MAP2K6: variants seen among roughly 807,000 people sequenced by gnomAD.
MAP2K6 encodes the protein mitogen-activated protein kinase kinase 6, also known as dual specificity mitogen-activated protein kinase kinase 6.
Under a neutral mutation model 53.7 loss-of-function variants are expected in MAP2K6, and 16 were observed. The observed-to-expected ratio is 0.30, with a 90% confidence interval of 0.20 to 0.45. MAP2K6 has a LOEUF of 0.45. Among genes scored for constraint, MAP2K6 ranks in the 20% least tolerant of loss-of-function variants. MAP2K6 has a pLI of 1.00. For synonymous variants in MAP2K6, 132 were observed against 143.1 expected, an observed-to-expected ratio of 0.92 and a Z score of 0.55; for missense variants, 204 against 411.9, an observed-to-expected ratio of 0.50 and a Z score of 4.37.
At chr17:69,538,496 T>G (rs953266070) in intron 11 of MAP2K6, among the ~76,000 whole-genome samples, 2 of 152,240 alleles carry the variant, frequency 1.3e-5, no homozygotes, top group African/African-American at 2.4e-5. Context: ...CCTGTGGAAC[T>G]GAGGTTTTCA....
At chr17:69,523,712 G>A in intron 8 of MAP2K6, 71 bp downstream of exon 8, 1 of 1,578,680 alleles carries the variant, frequency 6.3e-7, no homozygotes, top group Non-Finnish European at 8.7e-7. Flanking sequence ...ACAAGAAATG[G>A]ATGGCCACAG....
intron 1 of MAP2K6, among the ~76,000 whole-genome samples, chr17:69,459,172 T>A (rs942168359): frequency 1.1e-4 from 16 of 152,312 alleles, no homozygotes; most frequent in African/African-American, 3.1e-4. Flanking sequence ...TGATTTTTTT[T>A]AAACATTAAG....
At chr17:69,500,013 A>C (rs1909090569) in intron 1 of MAP2K6, among the ~76,000 whole-genome samples, 1 of 152,186 alleles carries the variant, frequency 6.6e-6, no homozygotes, top group Non-Finnish European at 1.5e-5. Flanking sequence ...GAGGTTTTGA[A>C]TTTGGAAGGT....
At position 69,543,511 on chromosome 17, in the gene MAP2K6, C is replaced by A. The variant is rs77052162; in HGVS notation, c.*1758C>A. On this transcript the variant is annotated 3_prime_UTR_variant, in exon 12 of 12. Transcript: ENST00000590474. ...CCTCTGCTCTGAAGCTACCTCTGTC[C>A]TCATTTTATTCTAGCCAGAAAAGGA... 1 of 152,252 alleles carries A rather than the reference C, an allele frequency of 6.6e-6. No individual in the cohort carries two copies. Among genetic ancestry groups the A allele is most frequent in the East Asian group, 1.9e-4 (1 of 5,160 alleles). The allele number at this position is 152,252 out of a possible 1,614,324, so 9.4% of individuals were successfully genotyped here. A position where few individuals can be genotyped will look rare whatever the true frequency, so the allele number is the denominator to read the frequency against.
At chr17:69,442,858 G>A (rs1194480157) in intron 1 of MAP2K6, among the ~76,000 whole-genome samples, 5 of 152,140 alleles carry the variant, frequency 3.3e-5, no homozygotes, top group Admixed American at 2.6e-4. Context: ...CAACTGCAGA[G>A]GTTTGATTCA....
intron 10 of MAP2K6, among the ~76,000 whole-genome samples, chr17:69,534,069 T>C (rs1247459044): frequency 6.6e-6 from 1 of 152,172 alleles, no homozygotes; most frequent in Admixed American, 6.5e-5. Context: ...CCCAGTGCAT[T>C]ACAGGATGCT....
intron 1 of MAP2K6, among the ~76,000 whole-genome samples, chr17:69,425,558 G>C (rs1307148326): frequency 6.6e-6 from 1 of 152,084 alleles, no homozygotes; most frequent in East Asian, 1.9e-4. Flanking sequence ...TGATTCGCCC[G>C]CCTCGGCCTC....
chr17:69,549,992 A>G lies in MAP2K6; in HGVS notation c.*8239A>G, dbSNP rs1450438291. 2 of 152,152 alleles carry G rather than the reference A, an allele frequency of 1.3e-5. No individual in the cohort carries two copies. The highest frequency in any genetic ancestry group is 1.5e-5 in the Non-Finnish European group (1 of 68,024). The allele number at this position is 152,152 out of a possible 1,614,324, so 9.4% of individuals were successfully genotyped here. ...TAAAAAAAAAAGCTGGCAGACAAGT[A>G]TATCTTTTAATTTATTTGCAGTGTT... On this transcript the variant is annotated 3_prime_UTR_variant, in exon 12 of 12. Transcript: ENST00000590474.
At chr17:69,482,836 T>G (rs1349048553) in intron 1 of MAP2K6, among the ~76,000 whole-genome samples, 2 of 152,104 alleles carry the variant, frequency 1.3e-5, no homozygotes, top group African/African-American at 2.4e-5. Context: ...GACTATGCAT[T>G]CATAAGACAG....
At chr17:69,475,359 G>A (rs1232454898) in intron 1 of MAP2K6, among the ~76,000 whole-genome samples, 1 of 151,848 alleles carries the variant, frequency 6.6e-6, no homozygotes, top group Non-Finnish European at 1.5e-5. Context: ...TAGTAGAAAC[G>A]GGGTTTCACC....
intron 4 of MAP2K6, among the ~76,000 whole-genome samples, chr17:69,518,466 G>C (rs979815917): frequency 6.6e-6 from 1 of 152,000 alleles, no homozygotes; most frequent in African/African-American, 2.4e-5. Flanking sequence ...GAAAAAGGAG[G>C]GTAAAATATA....
chr17:69,553,374 T>C lies in MAP2K6; in HGVS notation c.*11621T>C, dbSNP rs1912172969. On this transcript the variant is annotated 3_prime_UTR_variant, in exon 12 of 12. Transcript: ENST00000590474. ...TTTTTGACCAAGGAAACAGCTGAGA[T>C]ATTAAACCATGTGGTTGTTCCACGG... 6.6e-6 allele frequency: 1 copy of C among 152,226 alleles called. No individual in the cohort carries two copies. 9.4% of individuals were successfully genotyped at this position (152,226 alleles called of 1,614,324 possible).
chr17:69,448,776 G>A (rs1161669269), intron 1 of MAP2K6, among the ~76,000 whole-genome samples: 1 of 152,156 alleles, frequency 6.6e-6, no homozygotes, highest in Non-Finnish European at 1.5e-5. Context: ...TTGCTCAGAG[G>A]GATTTGTCTT....
At chr17:69,482,949 A>G (rs1375965576) in intron 1 of MAP2K6, among the ~76,000 whole-genome samples, 1 of 151,988 alleles carries the variant, frequency 6.6e-6, no homozygotes, top group Non-Finnish European at 1.5e-5. Flanking sequence ...TTCCAAATAT[A>G]TTAGACCAGG....
At chr17:69,458,460 T>G (rs1243467846) in intron 1 of MAP2K6, among the ~76,000 whole-genome samples, 3 of 152,230 alleles carry the variant, frequency 2.0e-5, no homozygotes, top group Admixed American at 6.5e-5. Flanking sequence ...CAGGAGATTC[T>G]TATCACCCTG....
chr17:69,467,035 A>G (rs1907837032), intron 1 of MAP2K6, among the ~76,000 whole-genome samples: 1 of 152,222 alleles, frequency 6.6e-6, no homozygotes, highest in Admixed American at 6.5e-5. Flanking sequence ...GCATCTTAAT[A>G]TTTACATGGA....
intron 1 of MAP2K6, among the ~76,000 whole-genome samples, chr17:69,425,732 T>A (rs1167638926): frequency 3.9e-5 from 6 of 152,212 alleles, no homozygotes; most frequent in Non-Finnish European, 5.9e-5. Flanking sequence ...GGTTGTTGAG[T>A]GACAAGTTAT....
At chr17:69,475,748 G>C (rs537046204) in intron 1 of MAP2K6, among the ~76,000 whole-genome samples, 1 of 152,268 alleles carries the variant, frequency 6.6e-6, no homozygotes, top group African/African-American at 2.4e-5. Context: ...CCATGGGATG[G>C]TGTGTTTGAG....
At chr17:69,422,464 G>C (rs1204015183) in intron 1 of MAP2K6, among the ~76,000 whole-genome samples, 2 of 152,152 alleles carry the variant, frequency 1.3e-5, no homozygotes, top group Non-Finnish European at 2.9e-5. Flanking sequence ...TCCAGTCTGA[G>C]TTGAAGCATT....
Sources: allele counts gnomAD v4.1 joint callset (sites outside exome capture counted in the v4.1 genomes callset), GRCh38; gene constraint gnomAD v4.1.1; transcripts MANE v1.5; gene names NCBI Gene and HGNC (gene_info 2026-07-23, HGNC 2026-07-21).